Variants in NETO1 observed in about 807,000 individuals in gnomAD.
NETO1 encodes the protein neuropilin and tolloid like 1.
Under a neutral mutation model 61.3 loss-of-function variants are expected in NETO1, and 26 were observed. The ratio of observed to expected loss-of-function variants is 0.42; its 90% CI spans 0.31 to 0.59. NETO1 has a LOEUF of 0.59. NETO1 is among the 20% of genes least tolerant of loss of function. The pLI is 0.12. For missense variants in NETO1, 531 were observed against 662.8 expected (o/e 0.80, Z 2.18); for synonymous variants, 225 against 225.8 (o/e 1.00, Z 0.03).
At chr18:72,771,257 C>G (rs754658799) in intron 7 of NETO1, among the ~76,000 whole-genome samples, 1 of 152,170 alleles carries the variant, frequency 6.6e-6, no homozygotes, top group Non-Finnish European at 1.5e-5. Context: ...AAATCAATCA[C>G]TGTGTCAGTA....
chr18:72,743,504 G>C (rs892302838), downstream of NETO1, among the ~76,000 whole-genome samples: 7 of 152,076 alleles, frequency 4.6e-5, no homozygotes, highest in African/African-American at 1.7e-4. Context: ...GAGGTAACCA[G>C]GGCTTTGCAA....
intron 7 of NETO1, among the ~76,000 whole-genome samples, chr18:72,772,111 G>A (rs567783477): frequency 6.6e-6 from 1 of 152,270 alleles, no homozygotes; most frequent in East Asian, 1.9e-4. Flanking sequence ...GCAACCTGAG[G>A]ACATTCTCAG....
chr18:72,852,600 A>G (rs2074285308), intron 4 of NETO1, among the ~76,000 whole-genome samples: 1 of 151,936 alleles, frequency 6.6e-6, no homozygotes, highest in Non-Finnish European at 1.5e-5. Flanking sequence ...CACAGATGGG[A>G]GCTAATCCTG....
intron 4 of NETO1, among the ~76,000 whole-genome samples, chr18:72,858,068 G>A (rs78982760): frequency 0.019 from 2,878 of 152,036 alleles, 82 homozygotes; most frequent in East Asian, 0.1. Flanking sequence ...ATAAAAAATG[G>A]GCTTTATGTA....
intron 8 of NETO1, among the ~76,000 whole-genome samples, chr18:72,755,120 G>A (rs1362148003): frequency 1.3e-5 from 2 of 152,118 alleles, no homozygotes; most frequent in African/African-American, 2.4e-5. Flanking sequence ...ATGGGACCAC[G>A]TTTATATAGG....
intron 4 of NETO1, among the ~76,000 whole-genome samples, chr18:72,857,790 T>C (rs1050237035): frequency 6.6e-6 from 1 of 152,204 alleles, no homozygotes; most frequent in South Asian, 2.1e-4. Flanking sequence ...TTAGTGATAT[T>C]ATTAAAAACA....
Position 72,859,072 on chromosome 18 carries a change from C to T in NETO1, c.223G>A (p.Ala75Thr), listed in dbSNP as rs201017882. The T allele has an allele frequency of 5.7e-5, 90 of 1,590,276 alleles. No individual in the cohort carries two copies. Among genetic ancestry groups the T allele is most frequent in the East Asian group, 5.2e-4 (23 of 44,346 alleles). Residue 75 changes from alanine (A) to threonine (T), a missense_variant and splice_region_variant, in exon 4 of 11, where the codon GCT becomes ACT. Coordinates refer to ENST00000327305, the MANE Select transcript of NETO1 (RefSeq NM_138966.5). The part of the protein sequence containing the change: ...DRECIYIIEA[A>T]PRQCIELYFD... ...TAAAGTTCAATGCACTGTCTTGGAG[C>T]GGCTGTAAAGAAGAAAGATTGTGTC...
At chr18:72,802,947 T>C (rs2145141636) in intron 4 of NETO1, among the ~76,000 whole-genome samples, 1 of 152,350 alleles carries the variant, frequency 6.6e-6, no homozygotes, top group Non-Finnish European at 1.5e-5. Context: ...GACTGAATTG[T>C]TTCCTGTTTT....
intron 4 of NETO1, among the ~76,000 whole-genome samples, chr18:72,818,148 TA>T (rs2073084248): frequency 6.6e-6 from 1 of 152,094 alleles, no homozygotes; most frequent in South Asian, 2.1e-4. Context: ...ATACAATCAG[TA>T]AAAACAAAAC....
intron 4 of NETO1, among the ~76,000 whole-genome samples, chr18:72,857,620 C>T (rs9319858): frequency 0.26 from 38,973 of 152,092 alleles, 5,337 homozygotes; most frequent in East Asian, 0.53. Flanking sequence ...TACCTACCTT[C>T]CCATTTACAA....
intron 7 of NETO1, among the ~76,000 whole-genome samples, chr18:72,772,594 A>G (rs549964687): frequency 1.3e-5 from 2 of 151,866 alleles, no homozygotes; most frequent in South Asian, 2.1e-4. Flanking sequence ...TAATGAATTC[A>G]TAACAGTTCT....
chr18:72,798,315 A>G (rs891428531), intron 4 of NETO1, among the ~76,000 whole-genome samples: 1 of 152,198 alleles, frequency 6.6e-6, no homozygotes. Context: ...GCTCCTTATG[A>G]GAATCTAATG....
At chr18:72,760,341 G>T (rs943141563) in intron 7 of NETO1, among the ~76,000 whole-genome samples, 1 of 152,150 alleles carries the variant, frequency 6.6e-6, no homozygotes, top group African/African-American at 2.4e-5. Context: ...ATATGCATTT[G>T]TGCAAAGCAT....
chr18:72,850,586 T>C (rs1568260545), intron 4 of NETO1, among the ~76,000 whole-genome samples: 1 of 152,228 alleles, frequency 6.6e-6, no homozygotes, highest in Non-Finnish European at 1.5e-5. Context: ...TTTAGTAATT[T>C]GAAAAGCATG....
Position 72,750,452 on chromosome 18 carries a change from A to G in NETO1, c.1151T>C (p.Phe384Ser). 1 of 1,614,134 alleles carries G rather than the reference A, an allele frequency of 6.2e-7. No individual in the cohort carries two copies. Among genetic ancestry groups the G allele is most frequent in the Non-Finnish European group, 8.5e-7 (1 of 1,180,002 alleles). ...QRKSDFDQTVFQEVFEPPHYE... is the reference protein window; with the variant it reads ...QRKSDFDQTVSQEVFEPPHYE... ...ATGAGGAGGTTCAAATACCTCCTGG[A>G]AAACTGTCTGGTCAAAGTCTGATTT... The change falls in exon 9 of 11, where the codon TTC (phenylalanine) becomes TCC (serine). Residue 384 changes from phenylalanine to serine, a missense_variant. Phe to Ser is a radical substitution (Grantham distance 155). Transcript: ENST00000327305.
intron 4 of NETO1, among the ~76,000 whole-genome samples, chr18:72,848,160 A>G (rs2074145181): frequency 6.6e-6 from 1 of 152,210 alleles, no homozygotes; most frequent in South Asian, 2.1e-4. Flanking sequence ...CTTGATGGCG[A>G]CATTAATTTC....
At chr18:72,762,845 C>T (rs1332601782) in intron 7 of NETO1, among the ~76,000 whole-genome samples, 3 of 152,104 alleles carry the variant, frequency 2.0e-5, no homozygotes, top group African/African-American at 7.2e-5. Context: ...TTTAAATAAG[C>T]AAATTATGTA....
At chr18:72,787,402 C>T (rs751689978) in intron 6 of NETO1, among the ~76,000 whole-genome samples, 8 of 151,698 alleles carry the variant, frequency 5.3e-5, no homozygotes, top group African/African-American at 1.9e-4. Context: ...ACTAAGCCCA[C>T]GGGATGAAAA....
chr18:72,851,347 G>T (rs1194511478), intron 4 of NETO1, among the ~76,000 whole-genome samples: 2 of 151,864 alleles, frequency 1.3e-5, no homozygotes, highest in East Asian at 3.9e-4. Context: ...GGAGAAGGAG[G>T]TTGTGGTGAG....
Sources: gnomAD v4.1 joint callset for allele counts (sites outside exome capture counted in the v4.1 genomes callset) on GRCh38, gnomAD v4.1.1 for gene constraint, MANE v1.5 for transcripts, NCBI Gene and HGNC (gene_info 2026-07-23, HGNC 2026-07-21) for gene names.